RFC1: variants seen among roughly 807,000 people sequenced by gnomAD.
RFC1 encodes the protein replication factor C subunit 1.
Under a neutral mutation model 137.4 loss-of-function variants are expected in RFC1, and 37 were observed. The ratio of observed to expected loss-of-function variants is 0.27; its 90% CI spans 0.21 to 0.35. The LOEUF (loss-of-function observed/expected upper bound fraction) is 0.35, where lower values mean the gene tolerates loss of function less well. RFC1 is among the 10% of genes least tolerant of loss of function. The pLI is 1.00. For synonymous variants in RFC1, 429 were observed against 455.7 expected (o/e 0.94, Z 0.75); for missense variants, 1,205 against 1,358.5 (o/e 0.89, Z 1.78).
At chr4:39,347,537 T>C (rs1265213883) in intron 2 of RFC1, among the ~76,000 whole-genome samples, 1 of 152,162 alleles carries the variant, frequency 6.6e-6, no homozygotes, top group Non-Finnish European at 1.5e-5. Flanking sequence ...AGAAATGGGA[T>C]ACTACTATAA....
At chr4:39,341,702 C>A (rs1184507336) in intron 4 of RFC1, 1 of 455,898 alleles carries the variant, frequency 2.2e-6, no homozygotes, top group South Asian at 1.6e-5. Flanking sequence ...AATGACTTCA[C>A]CACTAACTTA....
chr4:39,292,683 C>CTGTGTGTG (rs1737751238), intron 22 of RFC1, among the ~76,000 whole-genome samples: 1 of 151,130 alleles, frequency 6.6e-6, no homozygotes, highest in Non-Finnish European at 1.5e-5. Context: ...CTCTTGTTGC[C>CTGTGTGTG]CAGGCTGGTG....
chr4:39,296,382 C>T (rs1320577497), intron 21 of RFC1, among the ~76,000 whole-genome samples: 1 of 128,852 alleles, frequency 7.8e-6, no homozygotes, highest in Non-Finnish European at 1.6e-5. Flanking sequence ...AGGTATATCT[C>T]CCAATGCTAT....
At chr4:39,355,190 A>G (rs1337773010) in intron 1 of RFC1, among the ~76,000 whole-genome samples, 1 of 150,844 alleles carries the variant, frequency 6.6e-6, no homozygotes, top group African/African-American at 2.4e-5. Flanking sequence ...TGAGAGGCCA[A>G]GGCGGGAGGA....
At chr4:39,308,603 C>G in intron 13 of RFC1, 33 bp downstream of exon 13, 4 of 1,588,324 alleles carry the variant, frequency 2.5e-6, no homozygotes, top group Non-Finnish European at 3.4e-6. Context: ...TTGATATACA[C>G]ACACACAAAA....
In RFC1 at chr4:39,317,133, C is replaced by T. The variant is rs1739278775; in HGVS notation, c.1096-111G>A. The T allele has an allele frequency of 7.6e-6, 5 of 658,634 alleles. No individual in the cohort carries two copies. In the South Asian group the frequency reaches 9.3e-5, roughly 12 times the overall value. The allele number at this position is 658,634 out of a possible 1,614,324, so 40.8% of individuals were successfully genotyped here. A position where few individuals can be genotyped will look rare whatever the true frequency, so the allele number is the denominator to read the frequency against. On this transcript the variant is annotated intron_variant, in intron 9 of 24. Transcript: ENST00000349703. ...TTTATTGTGTCACTTCTGTGTCTGGCTGTGAAATTAACAGTTTTAGCTACA... is the reference window on the plus strand; with the variant it reads ...TTTATTGTGTCACTTCTGTGTCTGGTTGTGAAATTAACAGTTTTAGCTACA...
chr4:39,330,222 C>T (rs184094186), intron 4 of RFC1, among the ~76,000 whole-genome samples: 6 of 152,106 alleles, frequency 3.9e-5, no homozygotes, highest in South Asian at 2.1e-4. Flanking sequence ...CTGTGTTATC[C>T]TTAGGTGGCT....
chr4:39,344,536 C>A (rs1486604507), intron 3 of RFC1, among the ~76,000 whole-genome samples: 1 of 152,116 alleles, frequency 6.6e-6, no homozygotes, highest in Admixed American at 6.5e-5. Context: ...CCGAGGAAGG[C>A]GAATTGTTTG....
At chr4:39,313,856 G>T (rs1739099031) in intron 10 of RFC1, among the ~76,000 whole-genome samples, 1 of 152,088 alleles carries the variant, frequency 6.6e-6, no homozygotes, top group South Asian at 2.1e-4. Flanking sequence ...TCTCTGGATT[G>T]GAAAGATAAC....
intron 2 of RFC1, among the ~76,000 whole-genome samples, chr4:39,348,989 T>C (rs1741048740): frequency 6.6e-6 from 1 of 152,248 alleles, no homozygotes; most frequent in Admixed American, 6.5e-5. Context: ...TTTGGAATGG[T>C]AATGTCTATC....
At chr4:39,295,850 T>G in intron 21 of RFC1, 91 bp from the exon 22 acceptor site, 1 of 1,243,556 alleles carries the variant, frequency 8.0e-7, no homozygotes, top group Non-Finnish European at 1.1e-6. Flanking sequence ...CTACGGAAGA[T>G]AAAGCAACAC....
intron 4 of RFC1, among the ~76,000 whole-genome samples, chr4:39,332,351 T>C (rs1425374587): frequency 2.6e-5 from 4 of 152,228 alleles, no homozygotes; most frequent in Non-Finnish European, 4.4e-5. Flanking sequence ...TATCAGCACC[T>C]CTGCTATTCT....
chr4:39,307,066 A>G (rs1416451264), intron 13 of RFC1, among the ~76,000 whole-genome samples: 5 of 152,162 alleles, frequency 3.3e-5, no homozygotes, highest in Admixed American at 2.6e-4. Flanking sequence ...GTACTTTAGA[A>G]GTGACTTAGC....
intron 10 of RFC1, among the ~76,000 whole-genome samples, chr4:39,316,441 A>G (rs1739244463): frequency 1.3e-5 from 2 of 151,796 alleles, no homozygotes; most frequent in Non-Finnish European, 1.5e-5. Context: ...CCAGACCACC[A>G]CGCCATCACA....
intron 16 of RFC1, 56 bp from the exon 17 acceptor site, chr4:39,302,930 A>G (rs889834805): frequency 2.0e-6 from 3 of 1,534,852 alleles, no homozygotes; most frequent in Non-Finnish European, 2.7e-6. Flanking sequence ...CAAATACCAC[A>G]CAAGCTATTT....
Position 39,332,441 on chromosome 4 carries a change from G to T in RFC1, c.332-4685C>A, listed in dbSNP as rs76825366. Among the ~76,000 whole-genome samples, 571 of 152,204 alleles carry T rather than the reference G, an allele frequency of 3.8e-3. 4 individuals carry two copies. The highest frequency in any genetic ancestry group is 0.013 in the African/African-American group (545 of 41,546). ...TATTGAGCATTAAACTACATGCCAAGAACTTTATAATAAATTATCTTTAGT... is the reference window on the plus strand; with the variant it reads ...TATTGAGCATTAAACTACATGCCAATAACTTTATAATAAATTATCTTTAGT... On this transcript the variant is annotated intron_variant, in intron 4 of 24. Transcript: ENST00000349703.
At chr4:39,354,200 A>G (rs1741347043) in intron 1 of RFC1, among the ~76,000 whole-genome samples, 1 of 152,236 alleles carries the variant, frequency 6.6e-6, no homozygotes, top group Non-Finnish European at 1.5e-5. Context: ...AAGCTTTTAG[A>G]AAATAATTTT....
chr4:39,296,004 C>T, intron 21 of RFC1: 1 of 323,340 alleles, frequency 3.1e-6, no homozygotes, highest in Non-Finnish European at 5.6e-6. Context: ...GATCATGTCG[C>T]CAACTCAGCC....
intron 4 of RFC1, among the ~76,000 whole-genome samples, chr4:39,330,255 C>G (rs1740031648): frequency 1.3e-5 from 2 of 151,984 alleles, no homozygotes; most frequent in Non-Finnish European, 2.9e-5. Context: ...ATGAAAGTAT[C>G]TAATGATATG....
Sources: gnomAD v4.1 joint callset for allele counts (sites outside exome capture counted in the v4.1 genomes callset) on GRCh38, gnomAD v4.1.1 for gene constraint, MANE v1.5 for transcripts, NCBI Gene and HGNC (gene_info 2026-07-23, HGNC 2026-07-21) for gene names.